HYDIN: variants seen among roughly 807,000 people sequenced by gnomAD.
The protein encoded by HYDIN is HYDIN axonemal central pair apparatus protein.
In HYDIN, 132 loss-of-function variants were observed where a neutral mutation model predicts 403.9. That is an observed-to-expected ratio of 0.33 (90% CI 0.28 to 0.38). The LOEUF is 0.38. Ranked by LOEUF, HYDIN falls within the 10% of genes least tolerant of loss-of-function variation. The pLI is 1.00. For missense variants in HYDIN, 2,827 were observed against 5,009.5 expected (o/e 0.56, Z 13.15); for synonymous variants, 1,202 against 1,891.7 (o/e 0.64, Z 9.46).
chr16:71,197,004 C>G (rs769318322), intron 1 of HYDIN, among the ~76,000 whole-genome samples: 1 of 152,174 alleles, frequency 6.6e-6, no homozygotes, highest in Non-Finnish European at 1.5e-5. Flanking sequence ...CCTTTACTTT[C>G]CTAATAAGCT....
chr16:71,083,756 C>T (rs1028788912), intron 12 of HYDIN, among the ~76,000 whole-genome samples: 2 of 151,854 alleles, frequency 1.3e-5, no homozygotes, highest in African/African-American at 2.4e-5. Flanking sequence ...CTTGTGTCAT[C>T]CACTCTCTGT....
chr16:71,180,497 A>T (rs1289495397), intron 3 of HYDIN, among the ~76,000 whole-genome samples: 1 of 152,118 alleles, frequency 6.6e-6, no homozygotes, highest in African/African-American at 2.4e-5. Flanking sequence ...AAAAAATGAA[A>T]TGTTTCCCAA....
intron 85 of HYDIN, among the ~76,000 whole-genome samples, chr16:70,808,293 T>C (rs2035229940): frequency 1.3e-5 from 2 of 152,242 alleles, no homozygotes; most frequent in Admixed American, 1.3e-4. Context: ...TAATGTGTAC[T>C]GAGACACACA....
intron 18 of HYDIN, among the ~76,000 whole-genome samples, chr16:71,056,699 A>AG (rs2081909616): frequency 6.6e-6 from 1 of 152,276 alleles, no homozygotes; most frequent in Non-Finnish European, 1.5e-5. Flanking sequence ...CTCCTGTCAC[A>AG]GCATCCAACA....
At chr16:70,949,923 A>T (rs1294259567) in intron 41 of HYDIN, among the ~76,000 whole-genome samples, 1 of 152,280 alleles carries the variant, frequency 6.6e-6, no homozygotes, top group Admixed American at 6.5e-5. Context: ...ATGAGTTTTG[A>T]TAACACCCTA....
chr16:71,184,712 C>T (rs2087061032), intron 3 of HYDIN, among the ~76,000 whole-genome samples, 153 bp downstream of exon 3: 1 of 152,118 alleles, frequency 6.6e-6, no homozygotes, highest in Admixed American at 6.6e-5. Context: ...TACCAAATCA[C>T]AGATATGAAG....
At chr16:71,129,917 T>A (rs1453082334) in intron 8 of HYDIN, 94 bp from the exon 9 acceptor site, 1 of 1,523,008 alleles carries the variant, frequency 6.6e-7, no homozygotes, top group African/African-American at 1.4e-5. Flanking sequence ...GGAAATGTCC[T>A]CAGCCACCAC....
intron 48 of HYDIN, 73 bp downstream of exon 48, chr16:70,908,580 A>G: frequency 6.6e-7 from 1 of 1,506,036 alleles, no homozygotes; most frequent in South Asian, 1.3e-5. Context: ...GTTCCCCTCC[A>G]GTGCTGTGAC....
At chr16:71,139,550 A>G (rs1317770777) in intron 7 of HYDIN, among the ~76,000 whole-genome samples, 1 of 152,114 alleles carries the variant, frequency 6.6e-6, no homozygotes, top group African/African-American at 2.4e-5. Flanking sequence ...ATCTTTAAAA[A>G]TTTTGAAAAA....
intron 41 of HYDIN, among the ~76,000 whole-genome samples, chr16:70,950,811 AG>A (rs1406868411): frequency 1.3e-5 from 2 of 151,988 alleles, no homozygotes; most frequent in Non-Finnish European, 2.9e-5. Flanking sequence ...TTCTCTACTG[AG>A]GCTGGGCTTC....
intron 43 of HYDIN, among the ~76,000 whole-genome samples, chr16:70,940,715 G>A (rs2077644160): frequency 1.3e-5 from 2 of 152,240 alleles, no homozygotes; most frequent in Admixed American, 6.5e-5. Context: ...TTCTCAGGAT[G>A]AGACTATAAA....
chr16:71,093,116 T>C (rs1157950926), intron 11 of HYDIN, among the ~76,000 whole-genome samples: 4 of 151,636 alleles, frequency 2.6e-5, no homozygotes, highest in African/African-American at 9.7e-5. Context: ...AATAATTGTT[T>C]AAAATACCTC....
intron 1 of HYDIN, among the ~76,000 whole-genome samples, chr16:71,223,551 G>A (rs377724996): frequency 6.6e-6 from 1 of 152,026 alleles, no homozygotes; most frequent in Non-Finnish European, 1.5e-5. Flanking sequence ...CCACAGGGTG[G>A]GAGAAAGTAT....
At position 71,185,112 on chromosome 16, in the gene HYDIN, T is replaced by C. The variant is rs2087082732; in HGVS notation, c.136-122A>G. On this transcript the variant is annotated intron_variant, in intron 2 of 85. Coordinates refer to ENST00000393567, the MANE Select transcript of HYDIN (RefSeq NM_001270974.2). The stretch of plus-strand genomic sequence containing the variant: ...TTTCAGGATAATTCTGGAATGCCAC[T>C]AAGTTCCCTTATAAAATATTTAAAA... 3 of 517,206 alleles carry C rather than the reference T, an allele frequency of 5.8e-6. 1 individual carries two copies. Among genetic ancestry groups the C allele is most frequent in the Non-Finnish European group, 9.4e-6 (3 of 320,816 alleles). The allele number at this position is 517,206 out of a possible 1,614,324, so 32.0% of individuals were successfully genotyped here.
chr16:71,190,735 C>G (rs909008740), intron 1 of HYDIN, among the ~76,000 whole-genome samples: 1 of 152,124 alleles, frequency 6.6e-6, no homozygotes, highest in Non-Finnish European at 1.5e-5. Flanking sequence ...AATCTTAACA[C>G]TAAAAGAGTA....
intron 85 of HYDIN, among the ~76,000 whole-genome samples, chr16:70,808,675 T>A (rs1215018965): frequency 6.6e-6 from 1 of 152,208 alleles, no homozygotes; most frequent in Non-Finnish European, 1.5e-5. Context: ...ATCTCTTGGC[T>A]GATACAACTG....
At chr16:71,225,240 G>GC (rs2040981240) in intron 1 of HYDIN, among the ~76,000 whole-genome samples, 2 of 152,140 alleles carry the variant, frequency 1.3e-5, no homozygotes, top group Admixed American at 6.5e-5. Context: ...CCAGTTGCAG[G>GC]TTTTTCGTAG....
At chr16:71,159,629 A>T (rs1486982329) in intron 6 of HYDIN, among the ~76,000 whole-genome samples, 1 of 104,200 alleles carries the variant, frequency 9.6e-6, no homozygotes, top group Non-Finnish European at 1.9e-5. Context: ...TCATTTCCAA[A>T]CTGCAAAAAC....
At chr16:71,010,384 G>C (rs377213397) in intron 23 of HYDIN, among the ~76,000 whole-genome samples, 22 of 152,256 alleles carry the variant, frequency 1.4e-4, no homozygotes, top group African/African-American at 5.3e-4. Flanking sequence ...GGTACCTGCG[G>C]CCCTTGGACC....
Sources: gnomAD v4.1 joint callset for allele counts (sites outside exome capture counted in the v4.1 genomes callset) on GRCh38, gnomAD v4.1.1 for gene constraint, MANE v1.5 for transcripts, NCBI Gene and HGNC (gene_info 2026-07-23, HGNC 2026-07-21) for gene names.